The following USPL1 variants were observed in gnomAD, a reference collection of about 807,000 sequenced individuals.
USPL1 encodes the protein SUMO-specific isopeptidase USPL1.
In USPL1, 27 loss-of-function variants were observed where a neutral mutation model predicts 51.5. That is an observed-to-expected ratio of 0.52 (90% CI 0.39 to 0.72). The LOEUF (loss-of-function observed/expected upper bound fraction) is 0.72. USPL1 is among the 30% of genes least tolerant of loss of function. USPL1 has a pLI of 0.00. For missense variants in USPL1, 1,226 were observed against 1,268.0 expected (o/e 0.97, Z 0.50); for synonymous variants, 451 against 459.6 (o/e 0.98, Z 0.24).
intron 7 of USPL1, 78 bp downstream of exon 7, chr13:30,647,135 A>G (rs1566057270): frequency 1.4e-6 from 2 of 1,441,884 alleles, no homozygotes; most frequent in East Asian, 4.7e-5. Context: ...AGGATTGAAA[A>G]TGGTGACAAC....
At position 30,660,521 on chromosome 13, in the gene USPL1, G is replaced by A. The variant is rs1007312545; in HGVS notation, c.*1165G>A. ...GCACCTGCCACCATCATTAGTTCAA[G>A]AGTTTATGCAGATTTAAGTTGTATA... is the stretch of plus-strand genomic sequence containing the variant. On this transcript the variant is annotated 3_prime_UTR_variant, in exon 9 of 9. Coordinates refer to ENST00000255304, the MANE Select transcript of USPL1 (RefSeq NM_005800.5). The A allele has an allele frequency of 1.3e-5, 2 of 152,266 alleles. No homozygotes were observed. The highest frequency in any genetic ancestry group is 4.8e-5 in the African/African-American group (2 of 41,466). The allele number at this position is 152,266 out of a possible 1,614,324, so 9.4% of individuals were successfully genotyped here.
At chr13:30,642,523 A>T in intron 5 of USPL1, 105 bp from the exon 6 acceptor site, 1 of 1,376,184 alleles carries the variant, frequency 7.3e-7, no homozygotes, top group African/African-American at 1.5e-5. Flanking sequence ...GTATTAACAC[A>T]TATTCATGCT....
rs767958098 is a variant in USPL1 at position 30,642,594 on chromosome 13, T to C, written c.983-34T>C. The C allele has an allele frequency of 1.4e-5, 22 of 1,591,560 alleles. No homozygotes were observed. In the South Asian group the frequency reaches 2.5e-4, roughly 18 times the overall value. Reference sequence around the variant, plus strand: ...TTGGTTTAGTTTTTGCCATTATTGATTATGAGCAGTAATTCTTCCTTTTCT... The same window carrying C: ...TTGGTTTAGTTTTTGCCATTATTGACTATGAGCAGTAATTCTTCCTTTTCT... On this transcript the variant is annotated intron_variant, in intron 5 of 8. Coordinates refer to ENST00000255304, the MANE Select transcript of USPL1 (RefSeq NM_005800.5).
At chr13:30,625,444 G>GTTTTTTTTTTTTTTTTT (rs926283215) in intron 3 of USPL1, among the ~76,000 whole-genome samples, 4 of 118,952 alleles carry the variant, frequency 3.4e-5, no homozygotes, top group African/African-American at 7.0e-5. Flanking sequence ...TTTGTTTTTT[G>GTTTTTTTTTTTTTTTTT]TTTTTTTTTT....
At chr13:30,621,957 TGTTTTAAAA>T (rs1478317394) in intron 3 of USPL1, 65 bp downstream of exon 3, 1 of 1,177,472 alleles carries the variant, frequency 8.5e-7, no homozygotes, top group Non-Finnish European at 1.1e-6. Context: ...TTTTATTAAT[TGTTTTAAAA>T]GTTTACTCAT....
At chr13:30,619,336 G>A (rs543123321) in intron 1 of USPL1, among the ~76,000 whole-genome samples, 3 of 152,246 alleles carry the variant, frequency 2.0e-5, no homozygotes, top group Non-Finnish European at 4.4e-5. Flanking sequence ...ATATATTCGG[G>A]ATTTCAACCA....
chr13:30,633,945 G>T (rs1205940702), intron 4 of USPL1, among the ~76,000 whole-genome samples: 1 of 152,156 alleles, frequency 6.6e-6, no homozygotes, highest in Non-Finnish European at 1.5e-5. Flanking sequence ...CAGTTGAGAT[G>T]CAACAGCAAA....
chr13:30,637,791 AC>A lies in USPL1; in HGVS notation c.918del (p.Cys307ValfsTer2), dbSNP rs1193360702. On this transcript the variant is annotated frameshift_variant, in exon 5 of 9. Transcript: ENST00000255304. LOFTEE classifies it high-confidence loss of function. ...CTCAGAAATATTTGCAGAGATAGAGACCTGTCTGAATGAAGTTAGAGATGAA... is the reference window on the plus strand; with the variant it reads ...CTCAGAAATATTTGCAGAGATAGAGACTGTCTGAATGAAGTTAGAGATGAA... ...LTSEIFAEIETCLNEVRDEIF... is the reference protein window; with the variant it reads ...LTSEIFAEIEXCLNEVRDEIF... 1 of 1,613,678 alleles carries A rather than the reference AC, an allele frequency of 6.2e-7. No individual in the cohort carries two copies.
At chr13:30,650,482 CATT>C (rs1369385573) in intron 7 of USPL1, among the ~76,000 whole-genome samples, 1 of 149,286 alleles carries the variant, frequency 6.7e-6, no homozygotes, top group East Asian at 2.0e-4. Flanking sequence ...GAGGCTGAGA[CATT>C]AGTACTGCTT....
intron 3 of USPL1, among the ~76,000 whole-genome samples, chr13:30,625,685 C>T (rs970564511): frequency 1.3e-5 from 2 of 151,912 alleles, no homozygotes; most frequent in African/African-American, 4.8e-5. Flanking sequence ...TCAGGTGATC[C>T]ACCCACCTCG....
At chr13:30,638,077 G>A (rs757865004) in intron 5 of USPL1, among the ~76,000 whole-genome samples, 1 of 152,128 alleles carries the variant, frequency 6.6e-6, no homozygotes, top group Non-Finnish European at 1.5e-5. Flanking sequence ...CTTGAGAGTG[G>A]GTGCAGTTCT....
chr13:30,631,054 TC>T lies in USPL1; in HGVS notation c.449del (p.Ser150CysfsTer89). ...TAATGGAGAAGTATATGACGAAACC[TC>T]GTCAAACTTACCTGATAGTAGTGGT... ...KHNGEVYDETSSNLPDSSGQQ... is the reference protein window; with the variant it reads ...KHNGEVYDETXSNLPDSSGQQ... On this transcript the variant is annotated frameshift_variant, in exon 4 of 9. Coordinates refer to ENST00000255304, the MANE Select transcript of USPL1 (RefSeq NM_005800.5). LOFTEE classifies it high-confidence loss of function. 1 of 1,614,122 alleles carries T rather than the reference TC, an allele frequency of 6.2e-7. No homozygotes were observed. The highest frequency in any genetic ancestry group is 8.5e-7 in the Non-Finnish European group (1 of 1,180,028).
chr13:30,641,626 C>T (rs970186471), intron 5 of USPL1, among the ~76,000 whole-genome samples: 1 of 152,220 alleles, frequency 6.6e-6, no homozygotes, highest in African/African-American at 2.4e-5. Flanking sequence ...TTTCCAGTCT[C>T]AAAGCTGGAA....
At position 30,653,900 on chromosome 13, in the gene USPL1, C is replaced by G. The variant is rs1593392867; in HGVS notation, c.1396+595C>G. On this transcript the variant is annotated intron_variant, in intron 8 of 8. Transcript: ENST00000255304. ...AATCCCCTTAAAGGGTTGTATCAAG[C>G]CATTGATAAGGGCTCACTTTGATAT... Among the ~76,000 whole-genome samples, 7 of 152,236 alleles carry G rather than the reference C, an allele frequency of 4.6e-5. No individual in the cohort carries two copies. In the South Asian group the frequency reaches 1.5e-3, roughly 32 times the overall value.
chr13:30,642,267 T>C lies in USPL1; in HGVS notation c.983-361T>C, dbSNP rs537270280. ...GTGAGCCACCACACCTCATCAATTT[T>C]TGTTTTAATATACTCTAAGGCTTAT... On this transcript the variant is annotated intron_variant, in intron 5 of 8. Coordinates refer to ENST00000255304, the MANE Select transcript of USPL1 (RefSeq NM_005800.5). Among the ~76,000 whole-genome samples the C allele has an allele frequency of 5.1e-5, 7 of 138,394 alleles. No homozygotes were observed. In the East Asian group the frequency reaches 1.4e-3, roughly 27 times the overall value. The allele number at this position is 138,394 out of a possible 152,430, so 90.8% of individuals were successfully genotyped here.
chr13:30,627,321 TAAAAAGA>T (rs2137621104), intron 3 of USPL1, among the ~76,000 whole-genome samples: 1 of 152,104 alleles, frequency 6.6e-6, no homozygotes, highest in African/African-American at 2.4e-5. Context: ...CAAAATTTTA[TAAAAAGA>T]AAAAAGATAA....
Position 30,658,157 on chromosome 13 carries a change from G to A in USPL1, c.2080G>A (p.Val694Ile), listed in dbSNP as rs540716141. The change falls in exon 9 of 9, where the codon GTA becomes ATA. Residue 694 changes from valine (V) to isoleucine (I), a missense_variant. By Grantham distance (29) the Val-to-Ile change is conservative (BLOSUM62 3). Coordinates refer to ENST00000255304, the MANE Select transcript of USPL1 (RefSeq NM_005800.5). ...TGGTCTTATACAGGGAGTGAAGTCA[G>A]TAGAAATTGAGAAGGACGCTCAGTT... Reference protein sequence around the residue: ...ATGLIQGVKSVEIEKDAQLKQ... With the variant: ...ATGLIQGVKSIEIEKDAQLKQ... 2.0e-5 allele frequency: 33 copies of A among 1,613,298 alleles called. No homozygotes were observed. The East Asian group carries it at 6.0e-4, about 29-fold the overall frequency.
intron 5 of USPL1, among the ~76,000 whole-genome samples, chr13:30,641,302 C>G (rs1489887905): frequency 1.3e-5 from 2 of 152,162 alleles, no homozygotes; most frequent in Non-Finnish European, 2.9e-5. Context: ...GGTGACTGTT[C>G]CTGGCCATGT....
intron 3 of USPL1, among the ~76,000 whole-genome samples, chr13:30,623,328 T>G (rs1411564439): frequency 2.6e-5 from 4 of 152,018 alleles, no homozygotes; most frequent in Non-Finnish European, 4.4e-5. Context: ...CTGGACCAAG[T>G]AGGGTCTTAT....
Sources: gnomAD v4.1 joint callset for allele counts (sites outside exome capture counted in the v4.1 genomes callset) on GRCh38, gnomAD v4.1.1 for gene constraint, MANE v1.5 for transcripts, NCBI Gene and HGNC (gene_info 2026-07-23, HGNC 2026-07-21) for gene names.